The following SCUBE1 variants were observed in gnomAD, a reference collection of about 807,000 sequenced individuals.
SCUBE1 encodes the protein signal peptide, CUB and EGF-like domain-containing protein 1.
A neutral mutation model predicts 124.4 loss-of-function variants in SCUBE1; 59 were observed. The observed-to-expected ratio is 0.47, with a 90% CI of 0.38 to 0.59. The LOEUF is 0.59. Ranked by LOEUF, SCUBE1 falls within the 20% of genes least tolerant of loss-of-function variation. The pLI, the probability that SCUBE1 is intolerant of heterozygous loss-of-function variation, is 0.00. For synonymous variants in SCUBE1, 545 were observed against 550.9 expected (o/e 0.99, Z 0.15); for missense variants, 1,150 against 1,371.2 (o/e 0.84, Z 2.55).
chr22:43,322,582 A>G (rs1159521795), intron 2 of SCUBE1, among the ~76,000 whole-genome samples: 2 of 152,034 alleles, frequency 1.3e-5, no homozygotes, highest in East Asian at 3.9e-4. Context: ...TATTTTCACT[A>G]CCTGTCAGCA....
intron 4 of SCUBE1, 61 bp downstream of exon 4, chr22:43,290,985 G>A (rs1000956762): frequency 2.7e-6 from 4 of 1,491,346 alleles, no homozygotes; most frequent in African/African-American, 1.4e-5. Flanking sequence ...GTGGAGAAGG[G>A]GACTCTGGGG....
intron 15 of SCUBE1, among the ~76,000 whole-genome samples, chr22:43,217,023 T>G (rs1182362295): frequency 1.8e-5 from 1 of 56,254 alleles, no homozygotes; most frequent in Non-Finnish European, 3.1e-5. Flanking sequence ...ACCAACAGCT[T>G]CCCCACCCCG....
At chr22:43,223,922 C>T (rs1279243927) in intron 10 of SCUBE1, among the ~76,000 whole-genome samples, 3 of 152,212 alleles carry the variant, frequency 2.0e-5, no homozygotes, top group African/African-American at 7.2e-5. Flanking sequence ...CTGTAACCCA[C>T]ACAGGCCATG....
chr22:43,198,624 C>G lies in SCUBE1; in HGVS notation c.*5373G>C, dbSNP rs150526648. 4.4e-6 allele frequency: 2 copies of G among 456,648 alleles called. No homozygotes were observed. The highest frequency in any genetic ancestry group is 8.8e-6 in the Non-Finnish European group (2 of 226,994). 28.3% of individuals were successfully genotyped at this position (456,648 alleles called of 1,614,324 possible). A position where few individuals can be genotyped will look rare whatever the true frequency, so the allele number is the denominator to read the frequency against. On this transcript the variant is annotated 3_prime_UTR_variant, in exon 22 of 22. Transcript: ENST00000360835. Reference sequence around the variant, plus strand: ...GAATGATGTCGGCTCGGCATGGACACCTTGTGCATCTTTGGTGAAAAGGGA... The same window carrying G: ...GAATGATGTCGGCTCGGCATGGACAGCTTGTGCATCTTTGGTGAAAAGGGA...
intron 4 of SCUBE1, among the ~76,000 whole-genome samples, chr22:43,279,863 G>A (rs1432897036): frequency 6.6e-6 from 1 of 152,220 alleles, no homozygotes; most frequent in East Asian, 1.9e-4. Flanking sequence ...GCTTGGACAT[G>A]TGGTCACTAA....
At chr22:43,293,103 T>C (rs955698566) in intron 3 of SCUBE1, among the ~76,000 whole-genome samples, 2 of 152,076 alleles carry the variant, frequency 1.3e-5, no homozygotes, top group African/African-American at 4.8e-5. Flanking sequence ...TGGCGAGTGG[T>C]CGCCTCCCTC....
chr22:43,294,550 G>A (rs1925488162), intron 3 of SCUBE1, among the ~76,000 whole-genome samples: 5 of 152,202 alleles, frequency 3.3e-5, no homozygotes, highest in Admixed American at 3.3e-4. Context: ...ACTCTATTAT[G>A]AGAGGTGTCC....
At chr22:43,317,751 T>C (rs1431300975) in intron 3 of SCUBE1, among the ~76,000 whole-genome samples, 1 of 152,264 alleles carries the variant, frequency 6.6e-6, no homozygotes, top group Non-Finnish European at 1.5e-5. Flanking sequence ...TTGAATTATG[T>C]CCCTTCAAAA....
At chr22:43,263,657 A>G (rs1291758257) in intron 4 of SCUBE1, among the ~76,000 whole-genome samples, 1 of 152,256 alleles carries the variant, frequency 6.6e-6, no homozygotes, top group Non-Finnish European at 1.5e-5. Flanking sequence ...AACACAGAAT[A>G]GATTTAAGAA....
chr22:43,343,005 G>T (rs1258075128), intron 1 of SCUBE1, among the ~76,000 whole-genome samples, 169 bp downstream of exon 1: 1 of 150,558 alleles, frequency 6.6e-6, no homozygotes, highest in African/African-American at 2.4e-5. Flanking sequence ...CCCGGGCTGC[G>T]GGGAGGGGGC....
chr22:43,272,697 G>A (rs1924339355), intron 4 of SCUBE1, among the ~76,000 whole-genome samples: 3 of 152,236 alleles, frequency 2.0e-5, no homozygotes, highest in Non-Finnish European at 4.4e-5. Context: ...AAGGTGGTTG[G>A]TTGATGAGCT....
intron 7 of SCUBE1, 151 bp from the exon 8 acceptor site, chr22:43,232,026 C>G (rs1325852174): frequency 1.1e-5 from 9 of 839,722 alleles, no homozygotes; most frequent in Admixed American, 1.1e-4. Flanking sequence ...CCCAGCTGTG[C>G]AGAGGGGTGG....
intron 21 of SCUBE1, among the ~76,000 whole-genome samples, chr22:43,206,044 C>A (rs1921255257): frequency 6.9e-6 from 1 of 144,964 alleles, no homozygotes; most frequent in Non-Finnish European, 1.5e-5. Flanking sequence ...CACACACTCA[C>A]CCCCACACAC....
intron 6 of SCUBE1, among the ~76,000 whole-genome samples, chr22:43,239,391 C>T (rs1922907556): frequency 6.6e-6 from 1 of 152,260 alleles, no homozygotes; most frequent in Non-Finnish European, 1.5e-5. Context: ...CCAAATGCAC[C>T]TCAGTACAGA....
chr22:43,321,057 G>A (rs534327558), intron 2 of SCUBE1, among the ~76,000 whole-genome samples: 20 of 152,304 alleles, frequency 1.3e-4, no homozygotes, highest in Admixed American at 1.0e-3. Flanking sequence ...TCCGAGACAC[G>A]ATGGGGAGAG....
chr22:43,209,033 G>A (rs1324845051), intron 19 of SCUBE1, among the ~76,000 whole-genome samples: 3 of 152,318 alleles, frequency 2.0e-5, no homozygotes, highest in East Asian at 1.9e-4. Context: ...TGAGGGGAAC[G>A]GGTGGGGAAT....
intron 4 of SCUBE1, among the ~76,000 whole-genome samples, chr22:43,274,811 C>T (rs972569525): frequency 2.6e-5 from 4 of 152,190 alleles, no homozygotes; most frequent in Admixed American, 6.5e-5. Flanking sequence ...GTCCCGGCTG[C>T]GTCACAAGCA....
At chr22:43,251,699 A>T (rs1923456444) in intron 6 of SCUBE1, among the ~76,000 whole-genome samples, 1 of 152,214 alleles carries the variant, frequency 6.6e-6, no homozygotes, top group African/African-American at 2.4e-5. Context: ...AGAAGGAAAC[A>T]GCCCTGCCGA....
rs562851168 is a variant in SCUBE1 at position 43,197,554 on chromosome 22, T to C, written c.*6443A>G. 1.3e-5 allele frequency: 2 copies of C among 152,402 alleles called. No homozygotes were observed. Among genetic ancestry groups the C allele is most frequent in the East Asian group, 3.9e-4 (2 of 5,188 alleles). 9.4% of individuals were successfully genotyped at this position (152,402 alleles called of 1,614,324 possible). On this transcript the variant is annotated 3_prime_UTR_variant, in exon 22 of 22. Coordinates refer to ENST00000360835, the MANE Select transcript of SCUBE1 (RefSeq NM_173050.5). ...CAATGTGGCCTGCGTCTGCTCGGCA[T>C]GTTGGAGGTTCTGATCTCAGCGGAG... is the stretch of plus-strand genomic sequence containing the variant.
Sources: allele counts gnomAD v4.1 joint callset (sites outside exome capture counted in the v4.1 genomes callset), GRCh38; gene constraint gnomAD v4.1.1; transcripts MANE v1.5; gene names NCBI Gene and HGNC (gene_info 2026-07-23, HGNC 2026-07-21).